ADCY2: variants seen among roughly 807,000 people sequenced by gnomAD.
The protein encoded by ADCY2 is adenylate cyclase type 2.
A neutral mutation model predicts 125.2 loss-of-function variants in ADCY2; 31 were observed. The ratio of observed to expected loss-of-function variants is 0.25; its 90% CI spans 0.19 to 0.33. ADCY2 has a LOEUF of 0.33. Among genes scored for constraint, ADCY2 ranks in the 10% least tolerant of loss-of-function variants. The pLI, the probability that ADCY2 is intolerant of heterozygous loss-of-function variation, is 1.00. For missense variants in ADCY2, 904 were observed against 1,418.2 expected (o/e 0.64, Z 5.82); for synonymous variants, 512 against 548.4 (o/e 0.93, Z 0.93).
intron 4 of ADCY2, among the ~76,000 whole-genome samples, chr5:7,642,778 A>C (rs1209449529): frequency 2.6e-5 from 4 of 152,150 alleles, no homozygotes; most frequent in African/African-American, 9.7e-5. Context: ...ACTTTTTAGC[A>C]GGAGAAATTG....
At chr5:7,654,946 A>G (rs1333402191) in intron 4 of ADCY2, among the ~76,000 whole-genome samples, 1 of 152,196 alleles carries the variant, frequency 6.6e-6, no homozygotes, top group African/African-American at 2.4e-5. Flanking sequence ...ACCTTCTGAA[A>G]TGCATACCTA....
At chr5:7,435,147 G>A (rs546901361) in intron 2 of ADCY2, among the ~76,000 whole-genome samples, 7 of 152,162 alleles carry the variant, frequency 4.6e-5, no homozygotes, top group Non-Finnish European at 1.0e-4. Flanking sequence ...CTATGTGGTC[G>A]CTATGTTGTG....
At chr5:7,582,736 GA>G (rs1736476148) in intron 3 of ADCY2, among the ~76,000 whole-genome samples, 1 of 151,940 alleles carries the variant, frequency 6.6e-6, no homozygotes, top group South Asian at 2.1e-4. Context: ...ATTTTAAACT[GA>G]AAAAGGGCAT....
At chr5:7,512,232 A>AAAAAAAAAAAAAAAAAAAAAAAAAC in intron 2 of ADCY2, among the ~76,000 whole-genome samples, 1 of 148,162 alleles carries the variant, frequency 6.7e-6, no homozygotes, top group Non-Finnish European at 1.5e-5. Context: ...AAAAAAAAAA[A>AAAAAAAAAAAAAAAAAAAAAAAAAC]AAAAAAAAGA....
intron 7 of ADCY2, 123 bp from the exon 8 acceptor site, chr5:7,706,621 A>G (rs1741275091): frequency 2.8e-6 from 3 of 1,088,554 alleles, no homozygotes; most frequent in Non-Finnish European, 4.1e-6. Flanking sequence ...TGCCATAGGA[A>G]GGTTTATGGT....
At chr5:7,411,834 G>A (rs962253912) in intron 1 of ADCY2, among the ~76,000 whole-genome samples, 6 of 152,098 alleles carry the variant, frequency 3.9e-5, no homozygotes, top group Non-Finnish European at 7.4e-5. Flanking sequence ...CCAGCACTTT[G>A]GGAGGCCGAG....
chr5:7,704,817 G>T (rs1156296758), intron 7 of ADCY2, among the ~76,000 whole-genome samples: 2 of 151,318 alleles, frequency 1.3e-5, no homozygotes, highest in Non-Finnish European at 2.9e-5. Flanking sequence ...GGCGGAGCTT[G>T]CAGTGAGCCG....
chr5:7,652,685 C>G (rs1179553061), intron 4 of ADCY2, among the ~76,000 whole-genome samples: 2 of 152,208 alleles, frequency 1.3e-5, no homozygotes, highest in South Asian at 2.1e-4. Context: ...GTGTATGGCT[C>G]TCAGTGAAGT....
intron 4 of ADCY2, among the ~76,000 whole-genome samples, chr5:7,681,781 C>G (rs1740347909): frequency 1.3e-5 from 2 of 150,828 alleles, no homozygotes; most frequent in Admixed American, 6.6e-5. Context: ...ACTTCAAAAC[C>G]ATTTAAAAAA....
chr5:7,652,247 G>A (rs1369053912), intron 4 of ADCY2, among the ~76,000 whole-genome samples: 3 of 152,178 alleles, frequency 2.0e-5, no homozygotes, highest in African/African-American at 7.2e-5. Context: ...ATAGCCGTGG[G>A]CACTTCCTTT....
At chr5:7,798,525 G>C (rs1471369856) in intron 20 of ADCY2, 1 of 151,890 alleles carries the variant, frequency 6.6e-6, no homozygotes, top group African/African-American at 2.4e-5. Flanking sequence ...CCACACTGGG[G>C]AAGGGCACAA....
chr5:7,589,458 A>AAAATAAAGAAAG (rs1554022170), intron 3 of ADCY2, among the ~76,000 whole-genome samples: 1 of 72,932 alleles, frequency 1.4e-5, no homozygotes, highest in African/African-American at 5.1e-5. Flanking sequence ...GAAGGAAAGA[A>AAAATAAAGAAAG]AAAGAAAGAA....
intron 4 of ADCY2, among the ~76,000 whole-genome samples, chr5:7,654,706 T>A (rs1200770149): frequency 6.6e-6 from 1 of 152,146 alleles, no homozygotes; most frequent in Non-Finnish European, 1.5e-5. Flanking sequence ...TTCCTTGCCC[T>A]CCACCCATGC....
intron 3 of ADCY2, among the ~76,000 whole-genome samples, chr5:7,553,884 C>G (rs903666551): frequency 2.6e-5 from 4 of 152,254 alleles, no homozygotes; most frequent in Non-Finnish European, 5.9e-5. Flanking sequence ...CGAGAGCAAC[C>G]TCTATTTCCT....
chr5:7,693,413 G>GTTTTTTTTTTTTTTTT (rs70940751), intron 5 of ADCY2, among the ~76,000 whole-genome samples: 27 of 32,394 alleles, frequency 8.3e-4, no homozygotes, highest in Non-Finnish European at 1.8e-3. Context: ...GCTGTTTTTT[G>GTTTTTTTTTTTTTTTT]TTTTTTTTTT....
At chr5:7,705,528 G>A (rs1345143211) in intron 7 of ADCY2, among the ~76,000 whole-genome samples, 1 of 152,202 alleles carries the variant, frequency 6.6e-6, no homozygotes, top group Non-Finnish European at 1.5e-5. Flanking sequence ...GGAGCAGGAA[G>A]AGGAGTCAGT....
intron 1 of ADCY2, among the ~76,000 whole-genome samples, chr5:7,405,969 C>T (rs998134364): frequency 1.3e-5 from 2 of 152,132 alleles, no homozygotes; most frequent in African/African-American, 4.8e-5. Context: ...AAGTTATCCT[C>T]CCATCTCAGC....
intron 15 of ADCY2, among the ~76,000 whole-genome samples, chr5:7,756,839 C>T (rs1743007605): frequency 6.6e-6 from 1 of 152,170 alleles, no homozygotes; most frequent in South Asian, 2.1e-4. Context: ...GTGTTTCTAA[C>T]ACCGTTAAAA....
Position 7,396,857 on chromosome 5 carries a change from GTCTT to G in ADCY2, c.210+352_210+355del, listed in dbSNP as rs1331391726. Among the ~76,000 whole-genome samples the G allele has an allele frequency of 2.6e-5, 4 of 152,198 alleles. No individual in the cohort carries two copies. Among genetic ancestry groups the G allele is most frequent in the African/African-American group, 9.6e-5 (4 of 41,452 alleles). On this transcript the variant is annotated intron_variant, in intron 1 of 24. Coordinates refer to ENST00000338316, the MANE Select transcript of ADCY2 (RefSeq NM_020546.3). This position sits in a 1 kb window ranked among gnomAD's most constrained non-coding sequence, Gnocchi z 5.7. Reference sequence around the variant, plus strand: ...ACCGCTGCCCGCAGCGCTGGAATAGGTCTTCCCCGACTCAGCCCTGGGCTTCCTG... The same window carrying G: ...ACCGCTGCCCGCAGCGCTGGAATAGGCCCCGACTCAGCCCTGGGCTTCCTG...
Sources: allele counts gnomAD v4.1 joint callset (sites outside exome capture counted in the v4.1 genomes callset), GRCh38; gene constraint gnomAD v4.1.1; non-coding constraint Gnocchi (gnomAD v3.1); transcripts MANE v1.5; gene names NCBI Gene and HGNC (gene_info 2026-07-23, HGNC 2026-07-21).